Variants in PACS1 observed in about 807,000 individuals in gnomAD.
The protein encoded by PACS1 is phosphofurin acidic cluster sorting protein 1.
Under a neutral mutation model 115.0 loss-of-function variants are expected in PACS1, and 24 were observed. The observed-to-expected ratio is 0.21, with a 90% CI of 0.15 to 0.29. PACS1 has a LOEUF of 0.29. PACS1 is among the 10% of genes least tolerant of loss of function. The pLI is 1.00. For missense variants in PACS1, 838 were observed against 1,251.2 expected, an observed-to-expected ratio of 0.67 and a Z score of 4.98; for synonymous variants, 453 against 504.5, an observed-to-expected ratio of 0.90 and a Z score of 1.37.
chr11:66,147,030 C>T (rs1015621621), intron 1 of PACS1, among the ~76,000 whole-genome samples: 19 of 152,138 alleles, frequency 1.2e-4, no homozygotes, highest in Non-Finnish European at 2.2e-4. Flanking sequence ...CACTGCACTC[C>T]AGCTTGGGCG....
intron 1 of PACS1, among the ~76,000 whole-genome samples, chr11:66,080,899 A>G (rs948516336): frequency 1.9e-4 from 29 of 152,090 alleles, no homozygotes; most frequent in African/African-American, 6.5e-4. Context: ...TTTAACCTCT[A>G]TAATGCTTCA....
At chr11:66,239,881 A>G (rs967456570) in intron 21 of PACS1, among the ~76,000 whole-genome samples, 2 of 152,210 alleles carry the variant, frequency 1.3e-5, no homozygotes, top group Non-Finnish European at 2.9e-5. Flanking sequence ...AAGAACGTGG[A>G]AACCAGGCCT....
intron 2 of PACS1, among the ~76,000 whole-genome samples, chr11:66,199,563 AAAG>A (rs1854727991): frequency 6.6e-6 from 1 of 152,196 alleles, no homozygotes; most frequent in African/African-American, 2.4e-5. Flanking sequence ...ACTTTCACAA[AAAG>A]AAAGACAAGA....
intron 1 of PACS1, among the ~76,000 whole-genome samples, chr11:66,161,586 G>GA (rs968076870): frequency 5.3e-5 from 8 of 151,740 alleles, no homozygotes; most frequent in African/African-American, 1.7e-4. Context: ...TGGGCAATTA[G>GA]AAAAAAAAGT....
chr11:66,186,417 C>T (rs1854375943), intron 1 of PACS1, among the ~76,000 whole-genome samples: 1 of 152,188 alleles, frequency 6.6e-6, no homozygotes, highest in Admixed American at 6.5e-5. Context: ...TTCTTCCCCT[C>T]AACCTAGAAC....
chr11:66,144,715 C>A (rs1005578259), intron 1 of PACS1, among the ~76,000 whole-genome samples: 2 of 152,280 alleles, frequency 1.3e-5, no homozygotes, highest in East Asian at 3.9e-4. Flanking sequence ...CTCGCTGCAA[C>A]CTCTGCCTCC....
At chr11:66,214,354 T>C (rs1855147942) in intron 4 of PACS1, among the ~76,000 whole-genome samples, 1 of 152,138 alleles carries the variant, frequency 6.6e-6, no homozygotes, top group Non-Finnish European at 1.5e-5. Context: ...CCCTGTAGAC[T>C]GGGCTCCTTT....
At chr11:66,148,410 G>A (rs528367466) in intron 1 of PACS1, among the ~76,000 whole-genome samples, 46 of 152,236 alleles carry the variant, frequency 3.0e-4, no homozygotes, top group African/African-American at 1.1e-3. Context: ...GCCTCCCAGA[G>A]TGCTGGCATT....
chr11:66,227,287 G>A lies in PACS1; in HGVS notation c.1294-217G>A, dbSNP rs139872880. 5.4e-3 allele frequency among the ~76,000 whole-genome samples: 823 copies of A among 152,202 alleles called. 2 individuals carry two copies. Among genetic ancestry groups the A allele is most frequent in the Non-Finnish European group, 9.2e-3 (627 of 68,012 alleles). On this transcript the variant is annotated intron_variant, in intron 10 of 23. Coordinates refer to ENST00000320580, the MANE Select transcript of PACS1 (RefSeq NM_018026.4). ...CAGAATTTCTGGGTTCTGAATCTCC[G>A]TGTTATTGACTTGATGACAAAGATA...
At chr11:66,187,103 C>T (rs1854398826) in intron 1 of PACS1, among the ~76,000 whole-genome samples, 1 of 152,092 alleles carries the variant, frequency 6.6e-6, no homozygotes, top group African/African-American at 2.4e-5. Context: ...TTTGTTTGTT[C>T]ATTCTTCTGT....
At chr11:66,148,997 C>T (rs1365856891) in intron 1 of PACS1, among the ~76,000 whole-genome samples, 1 of 151,872 alleles carries the variant, frequency 6.6e-6, no homozygotes, top group Admixed American at 6.6e-5. Context: ...CACTTAACAG[C>T]TGCTAAATGT....
intron 13 of PACS1, 72 bp from the exon 14 acceptor site, chr11:66,232,100 C>G (rs1316617511): frequency 1.1e-6 from 1 of 906,080 alleles, no homozygotes; most frequent in Non-Finnish European, 1.8e-6. Flanking sequence ...TCCCCATGCA[C>G]CAGTCCAGCA....
At position 66,243,027 on chromosome 11, in the gene PACS1, G is replaced by A; in HGVS notation, c.2772G>A (p.Leu924=). The change falls in exon 23 of 24, where the codon CTG becomes CTA. Residue 924 remains leucine, a synonymous_variant. Transcript: ENST00000320580. ...ICSAKQQQTM[L]RVSIDGVEWS... ...CAGCCAAGCAGCAGCAGACTATGCT[G>A]AGAGGTGCGAGGGCAGGCAGGGCCG... is the stretch of plus-strand genomic sequence containing the variant. 2 of 1,613,984 alleles carry A rather than the reference G, an allele frequency of 1.2e-6. No individual in the cohort carries two copies. The highest frequency in any genetic ancestry group is 1.1e-5 in the South Asian group (1 of 91,078).
At chr11:66,185,843 G>A (rs773821109) in intron 1 of PACS1, among the ~76,000 whole-genome samples, 4 of 152,160 alleles carry the variant, frequency 2.6e-5, no homozygotes, top group Non-Finnish European at 5.9e-5. Flanking sequence ...AAGTATTAAT[G>A]TTTGGGGGTT....
At chr11:66,148,318 C>A (rs759292815) in intron 1 of PACS1, among the ~76,000 whole-genome samples, 1 of 152,046 alleles carries the variant, frequency 6.6e-6, no homozygotes, top group African/African-American at 2.4e-5. Flanking sequence ...GCATGCCTGG[C>A]TAATTTTTGT....
At chr11:66,074,000 GTCC>G in intron 1 of PACS1, among the ~76,000 whole-genome samples, 1 of 135,668 alleles carries the variant, frequency 7.4e-6, no homozygotes, top group Non-Finnish European at 1.5e-5. Context: ...GCTTCAAACT[GTCC>G]TCCTACCTCG....
At chr11:66,106,746 C>CGA (rs377510213) in intron 1 of PACS1, among the ~76,000 whole-genome samples, 68 of 151,336 alleles carry the variant, frequency 4.5e-4, no homozygotes, top group African/African-American at 1.4e-3. Flanking sequence ...GATGACAAAG[C>CGA]GAGACCCTGT....
chr11:66,113,786 T>G (rs1858240380), intron 1 of PACS1, among the ~76,000 whole-genome samples: 1 of 152,234 alleles, frequency 6.6e-6, no homozygotes, highest in Non-Finnish European at 1.5e-5. Context: ...ATACTTTATT[T>G]AGTATCAAGT....
chr11:66,210,241 C>T, intron 2 of PACS1, 121 bp from the exon 3 acceptor site: 1 of 731,108 alleles, frequency 1.4e-6, no homozygotes, highest in Non-Finnish European at 2.4e-6. Flanking sequence ...CACTATGTTG[C>T]CCCAGGCTGG....
Sources: allele counts gnomAD v4.1 joint callset (sites outside exome capture counted in the v4.1 genomes callset), GRCh38; gene constraint gnomAD v4.1.1; transcripts MANE v1.5; gene names NCBI Gene and HGNC (gene_info 2026-07-23, HGNC 2026-07-21).